Variants in HERC6 observed in about 807,000 individuals in gnomAD.
HERC6 encodes the protein HECT and RLD domain containing E3 ubiquitin protein ligase family member 6, also known as probable E3 ubiquitin-protein ligase HERC6.
Under a neutral mutation model 114.5 loss-of-function variants are expected in HERC6, and 101 were observed. The ratio of observed to expected loss-of-function variants is 0.88; its 90% CI spans 0.75 to 1.04. The LOEUF (loss-of-function observed/expected upper bound fraction) is 1.04. Ranked by LOEUF, HERC6 falls within the 50% of genes least tolerant of loss-of-function variation. The pLI is 0.00. For synonymous variants in HERC6, 408 were observed against 436.2 expected, an observed-to-expected ratio of 0.94 and a Z score of 0.81; for missense variants, 1,133 against 1,230.9, an observed-to-expected ratio of 0.92 and a Z score of 1.19.
chr4:88,391,426 G>A (rs1300527941), intron 4 of HERC6, among the ~76,000 whole-genome samples: 5 of 152,106 alleles, frequency 3.3e-5, no homozygotes, highest in Admixed American at 2.6e-4. Context: ...TAGTTCCATC[G>A]GTTTCCGTAA....
Position 88,424,651 on chromosome 4 carries a change from T to C in HERC6, c.1884T>C (p.Asn628=), listed in dbSNP as rs1334547885. 6.2e-7 allele frequency: 1 copy of C among 1,612,596 alleles called. No individual in the cohort carries two copies. The highest frequency in any genetic ancestry group is 1.1e-5 in the South Asian group (1 of 90,700). ...TCAGTGATTTTCCATTTATCTTTAATTCGCTATCCAAAATTAAATTATTGC... is the reference window on the plus strand; with the variant it reads ...TCAGTGATTTTCCATTTATCTTTAACTCGCTATCCAAAATTAAATTATTGC... The part of the protein sequence containing the change: ...VIFSDFPFIF[N]SLSKIKLLQA... Residue 628 remains asparagine, a synonymous_variant, in exon 15 of 23, where the codon AAT becomes AAC. Coordinates refer to ENST00000264346, the MANE Select transcript of HERC6 (RefSeq NM_017912.4).
At chr4:88,400,384 A>T (rs1235758495) in intron 8 of HERC6, among the ~76,000 whole-genome samples, 1 of 151,858 alleles carries the variant, frequency 6.6e-6, no homozygotes. Context: ...TTTTGTAGAG[A>T]CGGCGTTTCG....
intron 4 of HERC6, among the ~76,000 whole-genome samples, chr4:88,391,216 C>T (rs1734903267): frequency 1.3e-5 from 2 of 152,172 alleles, no homozygotes; most frequent in South Asian, 2.1e-4. Context: ...CTTCTAAAGG[C>T]CACCTGCATT....
Position 88,435,829 on chromosome 4 carries a change from A to T in HERC6, c.2355A>T (p.Lys785Asn). 1 of 1,612,638 alleles carries T rather than the reference A, an allele frequency of 6.2e-7. No homozygotes were observed. Among genetic ancestry groups the T allele is most frequent in the South Asian group, 1.1e-5 (1 of 90,898 alleles). ...ANLPFPLALYKKLLDQKPSLE... is the reference protein window; with the variant it reads ...ANLPFPLALYNKLLDQKPSLE... The stretch of plus-strand genomic sequence containing the variant: ...TTCCTTTCCCACTGGCTCTGTATAA[A>T]AAACTTCTGGACCAAAAGCCATCAT... Residue 785 changes from lysine to asparagine, a missense_variant, in exon 18 of 23, where the codon AAA becomes AAT. Lys to Asn is a moderately conservative substitution (Grantham distance 94). This residue lies in a region of HERC6 where 388 missense variants were observed against 445.9 expected (regional missense o/e 0.87). Transcript: ENST00000264346.
rs564379203 is a variant in HERC6, at chr4:88,404,911, G to A, written c.1128G>A (p.Leu376=). The A allele has an allele frequency of 6.2e-7, 1 of 1,613,780 alleles. No individual in the cohort carries two copies. The highest frequency in any genetic ancestry group is 1.1e-5 in the South Asian group (1 of 91,078). ...TSSTRAPGKT[L]PEISRISQSM... is the part of the protein sequence containing the mutation. ...CCACACGTGCTCCCGGGAAAACCCT[G>A]CCAGAAATAAGCCGAATTAGCCAGT... is the stretch of plus-strand genomic sequence containing the variant. The change falls in exon 9 of 23, where the codon CTG becomes CTA. Residue 376 remains leucine, a synonymous_variant. Coordinates refer to ENST00000264346, the MANE Select transcript of HERC6 (RefSeq NM_017912.4).
At chr4:88,430,986 A>G (rs1738139579) in intron 16 of HERC6, among the ~76,000 whole-genome samples, 176 bp from the exon 17 acceptor site, 1 of 152,228 alleles carries the variant, frequency 6.6e-6, no homozygotes, top group South Asian at 2.1e-4. Flanking sequence ...AAATAGATTC[A>G]TGGCCTTCAC....
chr4:88,404,806 G>A, intron 8 of HERC6, 70 bp from the exon 9 acceptor site: 4 of 1,572,968 alleles, frequency 2.5e-6, no homozygotes, highest in Non-Finnish European at 3.5e-6. Flanking sequence ...CATGCCAGGT[G>A]ATTTACTGTA....
At chr4:88,399,821 C>T (rs1039182016) in intron 8 of HERC6, 3 of 151,012 alleles carry the variant, frequency 2.0e-5, no homozygotes, top group African/African-American at 4.9e-5. Context: ...CTGAAGAAAA[C>T]ACATTGATTG....
Position 88,378,953 on chromosome 4 carries a change from A to G in HERC6, c.32A>G (p.Glu11Gly), listed in dbSNP as rs778883649. The change falls in exon 1 of 23, where the codon GAG becomes GGG. Residue 11 changes from glutamate (E) to glycine (G), a missense_variant. Coordinates refer to ENST00000264346, the MANE Select transcript of HERC6 (RefSeq NM_017912.4). Reference sequence around the variant, plus strand: ...TTCTGTTGGGGCGCCGACTCCAGGGAGCTGCAGCGCCGGAGGACGGCGGGC... The same window carrying G: ...TTCTGTTGGGGCGCCGACTCCAGGGGGCTGCAGCGCCGGAGGACGGCGGGC... Reference protein sequence around the residue: MYFCWGADSRELQRRRTAGSP... With the variant: MYFCWGADSRGLQRRRTAGSP... 6.1e-5 allele frequency: 98 copies of G among 1,595,228 alleles called. No homozygotes were observed. Among genetic ancestry groups the G allele is most frequent in the Non-Finnish European group, 8.0e-5 (94 of 1,172,062 alleles).
In HERC6 at chr4:88,396,143, G is replaced by A. The variant is rs1646462971; in HGVS notation, c.887+1G>A. Reference sequence around the variant, plus strand: ...TAGTTTCGCAGATAGATTGTGGAAGGTAATAGGCTTCTTCTTCTTCTTTTT... The same window carrying A: ...TAGTTTCGCAGATAGATTGTGGAAGATAATAGGCTTCTTCTTCTTCTTTTT... On this transcript the variant is annotated splice_donor_variant, in intron 6 of 22. Transcript: ENST00000264346. LOFTEE classifies it high-confidence loss of function. The A allele has an allele frequency of 2.5e-6, 4 of 1,571,708 alleles. No homozygotes were observed. The highest frequency in any genetic ancestry group is 1.2e-5 in the South Asian group (1 of 83,438).
In HERC6 at chr4:88,417,511, C is replaced by T. The variant is rs1208111867; in HGVS notation, c.1645C>T (p.Gln549Ter). 1.2e-6 allele frequency: 2 copies of T among 1,612,424 alleles called. No homozygotes were observed. Among genetic ancestry groups the T allele is most frequent in the African/African-American group, 2.7e-5 (2 of 74,894 alleles). ...AGCCATCATCTCTCAGCTGCTTCAT[C>T]AGACTAAAACCGAACAGGATCACTG... Reference protein sequence around the residue: ...KAAIISQLLHQTKTEQDHCNV... With the variant: ...KAAIISQLLH The change falls in exon 13 of 23, where the codon CAG (glutamine) becomes TAG (stop). Residue 549 changes from glutamine (Q) to a stop codon, truncating the protein, a stop_gained. Coordinates refer to ENST00000264346, the MANE Select transcript of HERC6 (RefSeq NM_017912.4). LOFTEE classifies it low-confidence loss of function (ANC_ALLELE).
rs751997623 is a variant in HERC6, at chr4:88,439,912, A to G, written c.2594A>G (p.Asn865Ser). 6.3e-6 allele frequency: 10 copies of G among 1,587,556 alleles called. No homozygotes were observed. The South Asian group carries it at 1.2e-4, about 18-fold the overall frequency. The change falls in exon 21 of 23, where the codon AAC becomes AGC. Residue 865 changes from asparagine (N) to serine (S), a missense_variant. This residue lies in a region of HERC6 where 388 missense variants were observed against 445.9 expected (regional missense o/e 0.87). Transcript: ENST00000264346. ...TCTAAGTATATTGATTACATTTTCA[A>G]CGTCTCTGTAAAAGCAGTTTATGAG... Reference protein sequence around the residue: ...YVSKYIDYIFNVSVKAVYEEF... With the variant: ...YVSKYIDYIFSVSVKAVYEEF...
intron 1 of HERC6, 118 bp downstream of exon 1, chr4:88,379,238 G>T (rs1734034110): frequency 6.1e-6 from 5 of 818,158 alleles, no homozygotes; most frequent in Non-Finnish European, 9.1e-6. Context: ...GGGGCGCGGG[G>T]GCCCAGGTGC....
rs530389091 is a variant in HERC6 at position 88,427,363 on chromosome 4, G to A, written c.1936-1217G>A. On this transcript the variant is annotated intron_variant, in intron 15 of 22. Transcript: ENST00000264346. ...ACCTCTCCCTGCTGTAGTCAGTGGA[G>A]GACATTGCTGGCCACAAACCCATGG... 2.0e-5 allele frequency among the ~76,000 whole-genome samples: 3 copies of A among 152,194 alleles called. No individual in the cohort carries two copies. The East Asian group carries it at 5.8e-4, about 29-fold the overall frequency.
chr4:88,442,154 A>C, intron 22 of HERC6, 80 bp from the exon 23 acceptor site: 1 of 974,842 alleles, frequency 1.0e-6, no homozygotes, highest in Non-Finnish European at 1.6e-6. Context: ...TACTTACTGA[A>C]TGAAGTGATT....
chr4:88,387,109 G>A (rs1175886074), intron 3 of HERC6, among the ~76,000 whole-genome samples: 1 of 152,166 alleles, frequency 6.6e-6, no homozygotes, highest in Non-Finnish European at 1.5e-5. Context: ...ACAAACACAT[G>A]AACTGGGCTG....
chr4:88,423,536 A>T (rs1203545077), intron 13 of HERC6, among the ~76,000 whole-genome samples: 1 of 152,210 alleles, frequency 6.6e-6, no homozygotes, highest in Non-Finnish European at 1.5e-5. Context: ...AAAGTGCTGA[A>T]TTTGTTAAAA....
chr4:88,426,312 G>A (rs1191742841), intron 15 of HERC6, among the ~76,000 whole-genome samples: 2 of 152,068 alleles, frequency 1.3e-5, no homozygotes, highest in African/African-American at 4.8e-5. Flanking sequence ...GGGATTACAG[G>A]CATGCGCCAC....
chr4:88,442,326 C>T lies in HERC6; in HGVS notation c.2935C>T (p.His979Tyr), dbSNP rs779587731. Reference sequence around the variant, plus strand: ...TCCTGAAACTTTCAGTGAAAGAGATCACCCAACATCAATAACTTGTCATAA... The same window carrying T: ...TCCTGAAACTTTCAGTGAAAGAGATTACCCAACATCAATAACTTGTCATAA... Reference protein sequence around the residue: ...RCPETFSERDHPTSITCHNIL... With the variant: ...RCPETFSERDYPTSITCHNIL... Residue 979 changes from histidine to tyrosine, a missense_variant, in exon 23 of 23, where the codon CAC becomes TAC. Physicochemically the swap from His to Tyr is moderately conservative, Grantham distance 83. Around this residue, in one of 3 missense-constraint regions of HERC6, gnomAD observed 388 missense variants for 445.9 expected, o/e 0.87. Transcript: ENST00000264346. 1 of 1,613,662 alleles carries T rather than the reference C, an allele frequency of 6.2e-7. No homozygotes were observed. The highest frequency in any genetic ancestry group is 8.5e-7 in the Non-Finnish European group (1 of 1,179,748).
Sources: gnomAD v4.1 joint callset for allele counts (sites outside exome capture counted in the v4.1 genomes callset) on GRCh38, gnomAD v4.1.1 for gene constraint, gnomAD v4.1.1 regional missense constraint, MANE v1.5 for transcripts, NCBI Gene and HGNC (gene_info 2026-07-23, HGNC 2026-07-21) for gene names.